The following NUDT3 variants were observed in gnomAD, a reference collection of about 807,000 sequenced individuals.
The protein encoded by NUDT3 is diphosphoinositol polyphosphate phosphohydrolase 1.
Under a neutral mutation model 23.6 loss-of-function variants are expected in NUDT3, and 9 were observed. The observed-to-expected ratio is 0.38, with a 90% confidence interval of 0.23 to 0.66. The LOEUF (loss-of-function observed/expected upper bound fraction) is 0.66. Among genes scored for constraint, NUDT3 ranks in the 30% least tolerant of loss-of-function variants. The pLI, the probability that NUDT3 is intolerant of heterozygous loss-of-function variation, is 0.52. For synonymous variants in NUDT3, 86 were observed against 82.6 expected, an observed-to-expected ratio of 1.04 and a Z score of -0.22; for missense variants, 172 against 218.5, an observed-to-expected ratio of 0.79 and a Z score of 1.34.
At chr6:34,354,792 CTTTATA>C (rs1764537414) in intron 1 of NUDT3, among the ~76,000 whole-genome samples, 1 of 141,440 alleles carries the variant, frequency 7.1e-6, no homozygotes, top group Non-Finnish European at 1.6e-5. Flanking sequence ...TATTTGTATA[CTTTATA>C]TTTTATATTT....
rs959996249 is a variant in NUDT3, at chr6:34,281,131, T to A, written c.*7622A>T. 6.6e-6 allele frequency: 1 copy of A among 152,230 alleles called. No homozygotes were observed. The highest frequency in any genetic ancestry group is 1.5e-5 in the Non-Finnish European group (1 of 68,054). 9.4% of individuals were successfully genotyped at this position (152,230 alleles called of 1,614,324 possible). A position where few individuals can be genotyped will look rare whatever the true frequency, so the allele number is the denominator to read the frequency against. On this transcript the variant is annotated 3_prime_UTR_variant, in exon 5 of 5. Coordinates refer to ENST00000607016, the MANE Select transcript of NUDT3 (RefSeq NM_006703.4). The stretch of plus-strand genomic sequence containing the variant: ...GTCCCAGGGATGTTAACCTTTCTGA[T>A]GCTGATAGTAGATGAGTGGAGTGGA...
chr6:34,281,552 A>G lies in NUDT3; in HGVS notation c.*7201T>C, dbSNP rs895839494. 5 of 151,586 alleles carry G rather than the reference A, an allele frequency of 3.3e-5. No homozygotes were observed. The highest frequency in any genetic ancestry group is 1.2e-4 in the African/African-American group (5 of 41,396). 9.4% of individuals were successfully genotyped at this position (151,586 alleles called of 1,614,324 possible). A position where few individuals can be genotyped will look rare whatever the true frequency, so the allele number is the denominator to read the frequency against. ...TATCAACCAGTTTGACAGTCTTCAGATCACAAAACAATAGAACAGACCTGA... is the reference window on the plus strand; with the variant it reads ...TATCAACCAGTTTGACAGTCTTCAGGTCACAAAACAATAGAACAGACCTGA... On this transcript the variant is annotated 3_prime_UTR_variant, in exon 5 of 5. Coordinates refer to ENST00000607016, the MANE Select transcript of NUDT3 (RefSeq NM_006703.4).
intron 2 of NUDT3, among the ~76,000 whole-genome samples, chr6:34,341,261 A>C (rs975643956): frequency 2.6e-5 from 4 of 152,230 alleles, no homozygotes; most frequent in Non-Finnish European, 4.4e-5. Context: ...TAAATTCTTG[A>C]AATAAGAGAA....
At chr6:34,385,438 T>G (rs1190874871) in intron 1 of NUDT3, among the ~76,000 whole-genome samples, 1 of 152,188 alleles carries the variant, frequency 6.6e-6, no homozygotes, top group African/African-American at 2.4e-5. Flanking sequence ...TATATAAACA[T>G]GTAGTTATTT....
At chr6:34,373,129 A>G (rs2113761215) in intron 1 of NUDT3, among the ~76,000 whole-genome samples, 1 of 151,660 alleles carries the variant, frequency 6.6e-6, no homozygotes, top group East Asian at 2.0e-4. Context: ...AATACAAAAA[A>G]TTAGCCGGGC....
chr6:34,385,925 C>T (rs557528143), intron 1 of NUDT3, among the ~76,000 whole-genome samples: 1 of 152,276 alleles, frequency 6.6e-6, no homozygotes, highest in African/African-American at 2.4e-5. Flanking sequence ...CTCATGTGAT[C>T]CGCCCACCTT....
chr6:34,369,285 T>C (rs1264478151), intron 1 of NUDT3, among the ~76,000 whole-genome samples: 1 of 152,214 alleles, frequency 6.6e-6, no homozygotes, highest in Non-Finnish European at 1.5e-5. Context: ...GGGGTTAAGT[T>C]ACTCATAGCT....
intron 2 of NUDT3, among the ~76,000 whole-genome samples, chr6:34,329,703 C>T (rs970381098): frequency 6.6e-5 from 10 of 152,028 alleles, no homozygotes; most frequent in Admixed American, 5.9e-4. Context: ...GCACAACTTG[C>T]AGGTTTGTTA....
chr6:34,369,506 C>G (rs1764794618), intron 1 of NUDT3, among the ~76,000 whole-genome samples: 1 of 152,112 alleles, frequency 6.6e-6, no homozygotes, highest in Non-Finnish European at 1.5e-5. Flanking sequence ...GACGGCTGCT[C>G]TGATGAAGTC....
At chr6:34,372,590 A>C (rs1409333836) in intron 1 of NUDT3, among the ~76,000 whole-genome samples, 1 of 151,862 alleles carries the variant, frequency 6.6e-6, no homozygotes, top group Admixed American at 6.6e-5. Flanking sequence ...AGATCATCTG[A>C]GGTCACGAGT....
chr6:34,317,017 A>C (rs569448372), intron 2 of NUDT3, among the ~76,000 whole-genome samples: 3 of 152,274 alleles, frequency 2.0e-5, no homozygotes, highest in African/African-American at 7.2e-5. Context: ...AAGTGGCTGA[A>C]ATCTAGACAC....
intron 3 of NUDT3, 52 bp downstream of exon 3, chr6:34,295,589 C>A: frequency 6.3e-7 from 1 of 1,580,868 alleles, no homozygotes; most frequent in East Asian, 2.2e-5. Flanking sequence ...ATGTTAATAT[C>A]TGTGTGGTTA....
At chr6:34,335,092 A>G (rs206936) in intron 2 of NUDT3, among the ~76,000 whole-genome samples, 51,081 of 152,050 alleles carry the variant, frequency 0.34, 10,459 homozygotes, top group African/African-American at 0.54. Flanking sequence ...ATACCACAGT[A>G]CTAGAAATAC....
chr6:34,304,271 A>G (rs866997090), intron 2 of NUDT3, among the ~76,000 whole-genome samples: 3 of 149,332 alleles, frequency 2.0e-5, no homozygotes, highest in African/African-American at 7.5e-5. Context: ...AAAAAAAAAA[A>G]GAAAGTTTGC....
rs904150960 is a variant in NUDT3 at position 34,280,299 on chromosome 6, T to C, written c.*8454A>G. The C allele has an allele frequency of 6.6e-6, 1 of 152,222 alleles. No homozygotes were observed. The highest frequency in any genetic ancestry group is 1.5e-5 in the Non-Finnish European group (1 of 68,068). The allele number at this position is 152,222 out of a possible 1,614,324, so 9.4% of individuals were successfully genotyped here. Reference sequence around the variant, plus strand: ...GCCCTGAGCGGGCAAGAAGAAAAGCTTGAACTTTCCATGCAGTACCAAGCA... The same window carrying C: ...GCCCTGAGCGGGCAAGAAGAAAAGCCTGAACTTTCCATGCAGTACCAAGCA... On this transcript the variant is annotated 3_prime_UTR_variant, in exon 5 of 5. Coordinates refer to ENST00000607016, the MANE Select transcript of NUDT3 (RefSeq NM_006703.4).
In NUDT3 at chr6:34,282,311, C is replaced by A. The variant is rs1461578238; in HGVS notation, c.*6442G>T. Reference sequence around the variant, plus strand: ...TTCAGCACCAAAGTGCTCAGAAAGACAGGCTCAGATCAGGACGACTTCTTA... The same window carrying A: ...TTCAGCACCAAAGTGCTCAGAAAGAAAGGCTCAGATCAGGACGACTTCTTA... On this transcript the variant is annotated 3_prime_UTR_variant, in exon 5 of 5. Coordinates refer to ENST00000607016, the MANE Select transcript of NUDT3 (RefSeq NM_006703.4). The A allele has an allele frequency of 6.6e-6, 1 of 152,186 alleles. No individual in the cohort carries two copies. Among genetic ancestry groups the A allele is most frequent in the Non-Finnish European group, 1.5e-5 (1 of 68,050 alleles). The allele number at this position is 152,186 out of a possible 1,614,324, so 9.4% of individuals were successfully genotyped here. A position where few individuals can be genotyped will look rare whatever the true frequency, so the allele number is the denominator to read the frequency against.
chr6:34,298,766 C>T (rs1355541018), intron 2 of NUDT3, among the ~76,000 whole-genome samples: 2 of 152,088 alleles, frequency 1.3e-5, no homozygotes, highest in African/African-American at 4.8e-5. Flanking sequence ...TTTATTTGTC[C>T]CTTAGCCTTT....
intron 1 of NUDT3, among the ~76,000 whole-genome samples, chr6:34,345,558 G>A (rs1455773158): frequency 6.7e-6 from 1 of 150,096 alleles, no homozygotes. Flanking sequence ...AGCTACTCAG[G>A]AGGCTGAGGC....
intron 2 of NUDT3, among the ~76,000 whole-genome samples, chr6:34,340,661 T>C (rs887094306): frequency 6.6e-5 from 10 of 152,248 alleles, no homozygotes; most frequent in Admixed American, 1.3e-4. Context: ...TTCTATACTC[T>C]GACAATTTCC....
Sources: gnomAD v4.1 joint callset for allele counts (sites outside exome capture counted in the v4.1 genomes callset) on GRCh38, gnomAD v4.1.1 for gene constraint, MANE v1.5 for transcripts, NCBI Gene and HGNC (gene_info 2026-07-23, HGNC 2026-07-21) for gene names.